CERS5: variants seen among roughly 807,000 people sequenced by gnomAD.
The protein encoded by CERS5 is ceramide synthase 5, also known as LAG1 homolog, ceramide synthase 5.
A neutral mutation model predicts 58.9 loss-of-function variants in CERS5; 37 were observed. The ratio of observed to expected loss-of-function variants is 0.63; its 90% confidence interval spans 0.48 to 0.83. CERS5 has a LOEUF of 0.83. CERS5 is among the 40% of genes least tolerant of loss of function. The pLI, the probability that CERS5 is intolerant of heterozygous loss-of-function variation, is 0.00. For synonymous variants in CERS5, 147 were observed against 177.8 expected (o/e 0.83, Z 1.38); for missense variants, 398 against 489.3 (o/e 0.81, Z 1.76).
At chr12:50,134,475 G>A (rs1951518607) in intron 9 of CERS5, 71 bp downstream of exon 9, 1 of 1,612,360 alleles carries the variant, frequency 6.2e-7, no homozygotes, top group South Asian at 1.1e-5. Context: ...CAGGTTTGAT[G>A]GAGAGAGAAC....
intron 1 of CERS5, among the ~76,000 whole-genome samples, chr12:50,146,465 C>G (rs1952272572): frequency 6.6e-6 from 1 of 152,154 alleles, no homozygotes; most frequent in Admixed American, 6.5e-5. Flanking sequence ...ACTTAACAAT[C>G]TAGAATTGTC....
chr12:50,160,509 C>A lies in CERS5; in HGVS notation c.197+6592G>T, dbSNP rs151043550. On this transcript the variant is annotated intron_variant, in intron 1 of 9. Transcript: ENST00000317551. The stretch of plus-strand genomic sequence containing the variant: ...TGAAGTAATAAGAGAGAAGAGGGGA[C>A]TGGAATAATGAATAAGCAGCGGTGA... Among the ~76,000 whole-genome samples, 424 of 152,136 alleles carry A rather than the reference C, an allele frequency of 2.8e-3. 2 individuals are homozygous for A. Among genetic ancestry groups the A allele is most frequent in the African/African-American group, 9.7e-3 (404 of 41,526 alleles).
At chr12:50,165,097 G>C (rs950727046) in intron 1 of CERS5, 1 of 151,904 alleles carries the variant, frequency 6.6e-6, no homozygotes, top group Non-Finnish European at 1.5e-5. Flanking sequence ...TCCACTCCAG[G>C]ATGACTAACT....
chr12:50,155,368 C>T (rs1938447887), intron 1 of CERS5, among the ~76,000 whole-genome samples: 1 of 151,824 alleles, frequency 6.6e-6, no homozygotes, highest in Admixed American at 6.6e-5. Flanking sequence ...TTTCAAGATA[C>T]CTATACCACC....
chr12:50,135,639 A>G, intron 8 of CERS5, 93 bp downstream of exon 8: 1 of 941,144 alleles, frequency 1.1e-6, no homozygotes, highest in Non-Finnish European at 1.8e-6. Flanking sequence ...GTAGAATAGA[A>G]TAGAACAGAA....
intron 1 of CERS5, among the ~76,000 whole-genome samples, chr12:50,147,734 T>C (rs1952373623): frequency 6.6e-6 from 1 of 152,250 alleles, no homozygotes; most frequent in African/African-American, 2.4e-5. Flanking sequence ...TCACAGTTTT[T>C]TGTTTTGGAA....
At chr12:50,159,800 A>G (rs781723527) in intron 1 of CERS5, among the ~76,000 whole-genome samples, 20 of 151,998 alleles carry the variant, frequency 1.3e-4, no homozygotes, top group Non-Finnish European at 2.1e-4. Flanking sequence ...CATGTTGGTC[A>G]GGCTGGTCTC....
At chr12:50,142,001 G>T in intron 4 of CERS5, 52 bp downstream of exon 4, 2 of 1,006,192 alleles carry the variant, frequency 2.0e-6, no homozygotes, top group Non-Finnish European at 3.1e-6. Flanking sequence ...TACTTCTAGA[G>T]ATCTAGGCAT....
chr12:50,142,548 CAAAAAA>C (rs55654212), intron 3 of CERS5, among the ~76,000 whole-genome samples: 1 of 86,790 alleles, frequency 1.2e-5, no homozygotes, highest in Non-Finnish European at 2.4e-5. Context: ...GACTCCGTCT[CAAAAAA>C]AAAAAAAAAA....
In CERS5 at chr12:50,167,133, C is replaced by T; in HGVS notation, c.165G>A (p.Ala55=). ...RHILSVFPLA[A]GIFFVRLLFE... is the part of the protein sequence containing the mutation. ...AGAGCAGCCTCACGAAGAAGATGCCCGCCGCCAGCGGGAACACCGAGAGGA... is the reference window on the plus strand; with the variant it reads ...AGAGCAGCCTCACGAAGAAGATGCCTGCCGCCAGCGGGAACACCGAGAGGA... Residue 55 remains alanine (A), a synonymous_variant, in exon 1 of 10, where the codon GCG becomes GCA. Transcript: ENST00000317551. 1 of 1,572,520 alleles carries T rather than the reference C, an allele frequency of 6.4e-7. No individual in the cohort carries two copies. Among genetic ancestry groups the T allele is most frequent in the Non-Finnish European group, 8.6e-7 (1 of 1,163,990 alleles).
chr12:50,131,111 G>A (rs866690370), intron 9 of CERS5, among the ~76,000 whole-genome samples: 1 of 152,110 alleles, frequency 6.6e-6, no homozygotes, highest in Admixed American at 6.6e-5. Flanking sequence ...GCATTTATTC[G>A]TATTGGTTAT....
At chr12:50,135,905 A>G in intron 7 of CERS5, 36 bp downstream of exon 7, 1 of 1,579,032 alleles carries the variant, frequency 6.3e-7, no homozygotes, top group Non-Finnish European at 8.6e-7. Flanking sequence ...AAAAGAAGAG[A>G]AGAAGAAGAT....
rs1240025490 is a variant in CERS5, at chr12:50,140,869, G to T, written c.492+1184C>A. 5.4e-5 allele frequency among the ~76,000 whole-genome samples: 8 copies of T among 148,348 alleles called. No individual in the cohort carries two copies. In the East Asian group the frequency reaches 1.4e-3, roughly 26 times the overall value. On this transcript the variant is annotated intron_variant, in intron 4 of 9. Coordinates refer to ENST00000317551, the MANE Select transcript of CERS5 (RefSeq NM_147190.5). The stretch of plus-strand genomic sequence containing the variant: ...TTTTTTTTTTTTGCCTAGGGTTTAG[G>T]TCAATTACTGAGAGAAAAGTATTAA...
At chr12:50,145,911 A>G (rs1952244816) in intron 1 of CERS5, among the ~76,000 whole-genome samples, 1 of 152,242 alleles carries the variant, frequency 6.6e-6, no homozygotes, top group Non-Finnish European at 1.5e-5. Context: ...ATTCTGACCC[A>G]AAATTAATCA....
intron 1 of CERS5, among the ~76,000 whole-genome samples, chr12:50,149,328 C>T (rs1166301505): frequency 6.6e-6 from 1 of 152,166 alleles, no homozygotes; most frequent in African/African-American, 2.4e-5. Flanking sequence ...TCCAGGAACA[C>T]GAGTCTAGTG....
chr12:50,140,630 T>C (rs1322891751), intron 4 of CERS5, among the ~76,000 whole-genome samples: 1 of 152,162 alleles, frequency 6.6e-6, no homozygotes, highest in Non-Finnish European at 1.5e-5. Context: ...TGACTTGTAA[T>C]TTAATTCCGT....
At position 50,136,014 on chromosome 12, in the gene CERS5, G is replaced by A. The variant is rs1391012833; in HGVS notation, c.692C>T (p.Ser231Phe). The A allele has an allele frequency of 1.6e-5, 24 of 1,518,796 alleles. No individual in the cohort carries two copies. Among genetic ancestry groups the A allele is most frequent in the Non-Finnish European group, 2.0e-5 (23 of 1,136,776 alleles). 94.1% of individuals were successfully genotyped at this position (1,518,796 alleles called of 1,614,324 possible). A position where few individuals can be genotyped will look rare whatever the true frequency, so the allele number is the denominator to read the frequency against. ...HLVTIGLISFSYINNMVRVGT... is the reference protein window; with the variant it reads ...HLVTIGLISFFYINNMVRVGT... ...CACTCGAACCATATTGTTGATGTAG[G>A]AGAAGGAGATAAGCCCAATGGTGAC... Residue 231 changes from serine to phenylalanine, a missense_variant, in exon 7 of 10, where the codon TCC (serine) becomes TTC (phenylalanine). Around this residue, in one of 3 missense-constraint regions of CERS5, gnomAD observed 328 missense variants for 384.5 expected, o/e 0.85. Transcript: ENST00000317551.
At chr12:50,135,308 AGTGTGTGTGTGTGTGTGTGTGTGT>A (rs56858635) in intron 8 of CERS5, 8 of 168,928 alleles carry the variant, frequency 4.7e-5, no homozygotes, top group South Asian at 1.1e-4. Context: ...GAGAGAGAGG[AGTGTGTGTGTGTGTGTGTGTGTGT>A]GTGTGTGTGT....
chr12:50,152,173 G>T (rs1170398180), intron 1 of CERS5, among the ~76,000 whole-genome samples: 1 of 152,046 alleles, frequency 6.6e-6, no homozygotes, highest in Non-Finnish European at 1.5e-5. Context: ...ACTCTCAGGG[G>T]CTCTACAAAC....
Sources: gnomAD v4.1 joint callset for allele counts (sites outside exome capture counted in the v4.1 genomes callset) on GRCh38, gnomAD v4.1.1 for gene constraint, gnomAD v4.1.1 regional missense constraint, MANE v1.5 for transcripts, NCBI Gene and HGNC (gene_info 2026-07-23, HGNC 2026-07-21) for gene names.